The following BTBD16 variants were observed in gnomAD, a reference collection of about 807,000 sequenced individuals.
BTBD16 encodes BTB domain containing 16.
BTBD16 carries 66 observed loss-of-function variants against 67.4 expected under a neutral mutation model. The observed-to-expected ratio is 0.98, with a 90% CI of 0.80 to 1.20. The LOEUF is 1.20. Among genes scored for constraint, BTBD16 ranks in the 50% most tolerant of loss-of-function variants. BTBD16 has a pLI of 0.00. For synonymous variants in BTBD16, 242 were observed against 236.4 expected, an observed-to-expected ratio of 1.02 and a Z score of -0.22; for missense variants, 634 against 616.0, an observed-to-expected ratio of 1.03 and a Z score of -0.31.
chr10:122,281,266 GTGTGTGGC>G (rs1448114183), intron 3 of BTBD16, among the ~76,000 whole-genome samples: 1 of 152,234 alleles, frequency 6.6e-6, no homozygotes, highest in African/African-American at 2.4e-5. Context: ...GATGGCCTTT[GTGTGTGGC>G]TGTAGGTTTT....
chr10:122,328,227 G>A (rs1028819927), intron 10 of BTBD16, among the ~76,000 whole-genome samples: 16 of 152,262 alleles, frequency 1.1e-4, no homozygotes, highest in African/African-American at 3.6e-4. Flanking sequence ...CACAGGCACC[G>A]CACCCACCAG....
At chr10:122,292,435 C>T (rs1483848148) in intron 7 of BTBD16, among the ~76,000 whole-genome samples, 2 of 152,240 alleles carry the variant, frequency 1.3e-5, no homozygotes, top group Non-Finnish European at 2.9e-5. Context: ...TTGGCCAAGG[C>T]CACGCAGCTG....
intron 14 of BTBD16, among the ~76,000 whole-genome samples, chr10:122,335,360 G>T (rs2096461844): frequency 6.6e-6 from 1 of 152,242 alleles, no homozygotes; most frequent in Non-Finnish European, 1.5e-5. Flanking sequence ...GGGAGAGGGG[G>T]TAATTTTGTT....
chr10:122,282,989 A>G (rs943965367), intron 3 of BTBD16, among the ~76,000 whole-genome samples: 6 of 152,224 alleles, frequency 3.9e-5, no homozygotes, highest in Admixed American at 1.3e-4. Context: ...TGGCAGGTCC[A>G]GGTGCAGGCT....
At chr10:122,336,457 T>C (rs1453734653) in intron 14 of BTBD16, 37 bp from the exon 15 acceptor site, 2 of 1,548,418 alleles carry the variant, frequency 1.3e-6, no homozygotes, top group South Asian at 1.2e-5. Flanking sequence ...GCCACCCCGA[T>C]TGCAGTTCCA....
intron 10 of BTBD16, among the ~76,000 whole-genome samples, chr10:122,321,889 A>C (rs1195214259): frequency 6.6e-6 from 1 of 152,144 alleles, no homozygotes; most frequent in Non-Finnish European, 1.5e-5. Context: ...GACAATCACA[A>C]AATTTTTTGA....
intron 5 of BTBD16, chr10:122,287,513 C>G (rs1334880350): frequency 1.0e-6 from 1 of 983,162 alleles, no homozygotes; most frequent in Non-Finnish European, 1.2e-6. Flanking sequence ...AGATGAAATC[C>G]CAGTGCCCTG....
chr10:122,296,302 C>A (rs1564976979), intron 7 of BTBD16, among the ~76,000 whole-genome samples: 1 of 152,032 alleles, frequency 6.6e-6, no homozygotes, highest in Non-Finnish European at 1.5e-5. Context: ...AAGCGGCACA[C>A]CAAAATGCAA....
At chr10:122,287,103 G>A (rs570233390) in intron 5 of BTBD16, among the ~76,000 whole-genome samples, 120 of 152,294 alleles carry the variant, frequency 7.9e-4, no homozygotes, top group African/African-American at 2.8e-3. Flanking sequence ...CACTGCCTGC[G>A]GGAATCTGAC....
rs1042452012 is a variant in BTBD16, at chr10:122,317,751, A to G, written c.911+10443A>G. Among the ~76,000 whole-genome samples the G allele has an allele frequency of 6.6e-5, 10 of 152,304 alleles. 1 individual carries two copies. Among genetic ancestry groups the G allele is most frequent in the African/African-American group, 1.9e-4 (8 of 41,572 alleles). On this transcript the variant is annotated intron_variant, in intron 10 of 15. Coordinates refer to ENST00000260723, the MANE Select transcript of BTBD16 (RefSeq NM_144587.5). ...ACACAGGGTCAGGACCATCAATGTC[A>G]CTATCTTCCACCTCCACATCTTGTC...
In BTBD16 at chr10:122,334,990, A is replaced by C; in HGVS notation, c.1263+11A>C. On this transcript the variant is annotated intron_variant, in intron 14 of 15. Transcript: ENST00000260723. ...AGTTTTTACATGCAGGTAAGGATAG[A>C]GTGCATGAAAGTTATGTCTCTGAGA... 1 of 1,255,230 alleles carries C rather than the reference A, an allele frequency of 8.0e-7. No homozygotes were observed. Among genetic ancestry groups the C allele is most frequent in the Non-Finnish European group, 1.1e-6 (1 of 877,108 alleles). 77.8% of individuals were successfully genotyped at this position (1,255,230 alleles called of 1,614,324 possible).
chr10:122,293,742 G>A (rs2096378184), intron 7 of BTBD16, among the ~76,000 whole-genome samples: 1 of 152,070 alleles, frequency 6.6e-6, no homozygotes, highest in African/African-American at 2.4e-5. Context: ...AGCTCCTTTC[G>A]ACAGAGTATT....
intron 10 of BTBD16, among the ~76,000 whole-genome samples, chr10:122,309,404 G>A (rs2096409536): frequency 6.6e-6 from 1 of 151,316 alleles, no homozygotes; most frequent in Non-Finnish European, 1.5e-5. Flanking sequence ...GAGTGCAGTA[G>A]CGCCATCTCA....
intron 5 of BTBD16, 22 bp downstream of exon 5, chr10:122,286,270 G>A (rs1286171824): frequency 1.3e-6 from 2 of 1,590,354 alleles, no homozygotes; most frequent in Non-Finnish European, 1.7e-6. Flanking sequence ...CTGGCACCCA[G>A]TGCTGGAGCC....
intron 15 of BTBD16, 55 bp downstream of exon 15, chr10:122,336,737 A>C: frequency 1.4e-6 from 2 of 1,452,778 alleles, no homozygotes; most frequent in Non-Finnish European, 1.8e-6. Flanking sequence ...TCTCTCCCCC[A>C]TCCTTTTGGG....
At chr10:122,325,617 A>G (rs1405286995) in intron 10 of BTBD16, among the ~76,000 whole-genome samples, 2 of 151,960 alleles carry the variant, frequency 1.3e-5, no homozygotes, top group East Asian at 3.9e-4. Flanking sequence ...TGTTTCATTT[A>G]CCACACTTGA....
chr10:122,313,277 T>G (rs1357786186), intron 10 of BTBD16, among the ~76,000 whole-genome samples: 4 of 151,284 alleles, frequency 2.6e-5, no homozygotes, highest in Admixed American at 1.3e-4. Context: ...TTTTGTTTTT[T>G]TTTTTGAGAT....
At chr10:122,295,986 G>T (rs2096382421) in intron 7 of BTBD16, among the ~76,000 whole-genome samples, 1 of 152,048 alleles carries the variant, frequency 6.6e-6, no homozygotes, top group Admixed American at 6.6e-5. Context: ...GGAAGAAAAA[G>T]ATGGAGAAGC....
chr10:122,298,843 C>T (rs2096388428), intron 8 of BTBD16, 161 bp from the exon 9 acceptor site: 5 of 482,580 alleles, frequency 1.0e-5, no homozygotes, highest in Non-Finnish European at 1.3e-5. Context: ...ATAGAAAACA[C>T]TTAGAAAAGG....
Sources: allele counts gnomAD v4.1 joint callset (sites outside exome capture counted in the v4.1 genomes callset), GRCh38; gene constraint gnomAD v4.1.1; transcripts MANE v1.5; gene names NCBI Gene and HGNC (gene_info 2026-07-23, HGNC 2026-07-21).